Variants in PPP1R42 observed in about 807,000 individuals in gnomAD.
PPP1R42 encodes leucine rich repeat containing 67.
Under a neutral mutation model 31.0 loss-of-function variants are expected in PPP1R42, and 34 were observed. That is an observed-to-expected ratio of 1.10 (90% CI 0.83 to 1.46). The LOEUF is 1.46. PPP1R42 is among the 40% of genes most tolerant of loss of function. The pLI is 0.00. For synonymous variants in PPP1R42, 103 were observed against 109.8 expected, an observed-to-expected ratio of 0.94 and a Z score of 0.39; for missense variants, 268 against 303.0, an observed-to-expected ratio of 0.88 and a Z score of 0.86.
intron 7 of PPP1R42, among the ~76,000 whole-genome samples, chr8:66,974,616 C>T (rs1433358365): frequency 4.6e-5 from 7 of 152,120 alleles, no homozygotes; most frequent in Non-Finnish European, 5.9e-5. Context: ...TATTTTGATT[C>T]GCATTTCCCT....
intron 5 of PPP1R42, among the ~76,000 whole-genome samples, chr8:67,005,039 T>C (rs1174001252): frequency 2.0e-5 from 3 of 152,034 alleles, no homozygotes; most frequent in African/African-American, 7.2e-5. Context: ...CCTACTTGTA[T>C]GCATGAGAGG....
intron 7 of PPP1R42, among the ~76,000 whole-genome samples, chr8:66,975,758 T>C (rs1814652175): frequency 6.6e-6 from 1 of 152,146 alleles, no homozygotes; most frequent in African/African-American, 2.4e-5. Context: ...GAGACATAAT[T>C]GTACATATTT....
chr8:67,004,842 C>A (rs1053443456), intron 5 of PPP1R42, among the ~76,000 whole-genome samples: 2 of 152,168 alleles, frequency 1.3e-5, no homozygotes, highest in African/African-American at 4.8e-5. Flanking sequence ...TGTGCAAGGG[C>A]AAGGCTTGTT....
chr8:67,025,047 C>T (rs2129537269), intron 1 of PPP1R42, among the ~76,000 whole-genome samples: 1 of 151,248 alleles, frequency 6.6e-6, no homozygotes, highest in African/African-American at 2.4e-5. Context: ...AAGTGATTCT[C>T]CCACCTCAGC....
chr8:66,984,221 T>C, intron 6 of PPP1R42: 1 of 1,525,804 alleles, frequency 6.6e-7, no homozygotes, highest in Non-Finnish European at 9.1e-7. Flanking sequence ...TGAGCTATGT[T>C]CTCTATAGGA....
Position 67,019,237 on chromosome 8 carries a change from CTT to C in PPP1R42, c.-84-1408_-84-1407del, listed in dbSNP as rs1186280936. The stretch of plus-strand genomic sequence containing the variant: ...ACCACTACGCCTGGTTTATGAGCAT[CTT>C]TTTTTTTTTTTTTTTTTTTTTTGAG... On this transcript the variant is annotated intron_variant, in intron 1 of 7. Transcript: ENST00000685739. 3.5e-3 allele frequency among the ~76,000 whole-genome samples: 322 copies of C among 91,668 alleles called. 1 individual carries two copies. The highest frequency in any genetic ancestry group is 0.011 in the African/African-American group (219 of 19,966). 60.1% of individuals were successfully genotyped at this position (91,668 alleles called of 152,430 possible).
chr8:67,008,701 C>A (rs1815756483), intron 5 of PPP1R42, among the ~76,000 whole-genome samples: 1 of 132,698 alleles, frequency 7.5e-6, no homozygotes, highest in African/African-American at 3.1e-5. Context: ...GAGTGAGACT[C>A]TGTCTCAAAA....
At chr8:67,023,651 T>C (rs184354263) in intron 1 of PPP1R42, among the ~76,000 whole-genome samples, 3 of 152,128 alleles carry the variant, frequency 2.0e-5, no homozygotes, top group Non-Finnish European at 2.9e-5. Flanking sequence ...CCCAAACCTT[T>C]TATCTCTTTT....
intron 5 of PPP1R42, among the ~76,000 whole-genome samples, chr8:67,000,561 G>A (rs1815454376): frequency 6.6e-6 from 1 of 151,944 alleles, no homozygotes. Flanking sequence ...AGGCTCAAAC[G>A]ATCCTCCCAA....
chr8:66,978,230 G>A (rs1814732025), intron 7 of PPP1R42, among the ~76,000 whole-genome samples: 1 of 152,180 alleles, frequency 6.6e-6, no homozygotes, highest in African/African-American at 2.4e-5. Context: ...AAGAGAGAAT[G>A]AGAGCCAGGC....
intron 5 of PPP1R42, among the ~76,000 whole-genome samples, chr8:66,999,757 C>T (rs73691182): frequency 0.12 from 18,778 of 152,076 alleles, 2,268 homozygotes; most frequent in African/African-American, 0.31. Flanking sequence ...GTTCTCTTTG[C>T]GGTGAGGTTT....
At chr8:66,979,884 T>C (rs1417520581) in intron 7 of PPP1R42, among the ~76,000 whole-genome samples, 4 of 152,200 alleles carry the variant, frequency 2.6e-5, no homozygotes, top group Non-Finnish European at 5.9e-5. Context: ...TTAATTAATG[T>C]AGTTGTCCCT....
chr8:66,971,110 G>A, intron 7 of PPP1R42: 2 of 1,531,258 alleles, frequency 1.3e-6, no homozygotes, highest in Non-Finnish European at 1.7e-6. Context: ...GTAATAAACA[G>A]GAACTATATG....
At chr8:67,013,194 C>A (rs1815895908) in intron 3 of PPP1R42, 98 bp from the exon 4 acceptor site, 16 of 936,338 alleles carry the variant, frequency 1.7e-5, no homozygotes, top group Non-Finnish European at 2.4e-5. Context: ...CTGAGCTGAA[C>A]AAAATTATAA....
At chr8:66,971,024 C>T (rs1156303571) in intron 7 of PPP1R42, 2 of 1,529,300 alleles carry the variant, frequency 1.3e-6, no homozygotes, top group Non-Finnish European at 1.7e-6. Flanking sequence ...CAGGAACTTT[C>T]TGGAGATGCA....
At chr8:66,997,578 A>C (rs1585660527) in intron 5 of PPP1R42, among the ~76,000 whole-genome samples, 1 of 129,872 alleles carries the variant, frequency 7.7e-6, no homozygotes, top group Admixed American at 8.7e-5. Context: ...ACACGGTCTC[A>C]CTCTGTTGCC....
In PPP1R42 at chr8:66,988,399, C is replaced by T; in HGVS notation, c.670+1G>A. On this transcript the variant is annotated splice_donor_variant, in intron 6 of 7. Coordinates refer to ENST00000685739, the MANE Select transcript of PPP1R42 (RefSeq NM_001364910.1). LOFTEE classifies it high-confidence loss of function. ...AAAATTATATTAATATAAATATGTA[C>T]CCAGTGATTTGGACACCAATATCAG... 6.6e-7 allele frequency: 1 copy of T among 1,507,376 alleles called. No homozygotes were observed. Among genetic ancestry groups the T allele is most frequent in the South Asian group, 1.3e-5 (1 of 74,144 alleles). 93.4% of individuals were successfully genotyped at this position (1,507,376 alleles called of 1,614,324 possible). A position where few individuals can be genotyped will look rare whatever the true frequency, so the allele number is the denominator to read the frequency against.
intron 5 of PPP1R42, among the ~76,000 whole-genome samples, chr8:67,008,951 A>G (rs1232986381): frequency 6.6e-6 from 1 of 152,166 alleles, no homozygotes; most frequent in African/African-American, 2.4e-5. Flanking sequence ...GTTAAAAAGC[A>G]TAATAGAATA....
intron 5 of PPP1R42, among the ~76,000 whole-genome samples, chr8:66,992,070 C>A (rs1303311254): frequency 6.6e-6 from 1 of 152,168 alleles, no homozygotes; most frequent in Non-Finnish European, 1.5e-5. Flanking sequence ...TATCACTGAT[C>A]CACACATTGC....
Sources: gnomAD v4.1 joint callset for allele counts (sites outside exome capture counted in the v4.1 genomes callset) on GRCh38, gnomAD v4.1.1 for gene constraint, MANE v1.5 for transcripts, NCBI Gene and HGNC (gene_info 2026-07-23, HGNC 2026-07-21) for gene names.